The following INTS9 variants were observed in gnomAD, a reference collection of about 807,000 sequenced individuals.
INTS9 encodes integrator complex subunit 9.
INTS9 carries 55 observed loss-of-function variants against 79.7 expected under a neutral mutation model. That is an observed-to-expected ratio of 0.69 (90% CI 0.56 to 0.86). The LOEUF is 0.86. Among genes scored for constraint, INTS9 ranks in the 40% least tolerant of loss-of-function variants. INTS9 has a pLI of 0.00. For synonymous variants in INTS9, 319 were observed against 325.2 expected, an observed-to-expected ratio of 0.98 and a Z score of 0.20; for missense variants, 721 against 831.5, an observed-to-expected ratio of 0.87 and a Z score of 1.64.
chr8:28,773,450 C>T (rs533591324), intron 14 of INTS9, among the ~76,000 whole-genome samples: 13 of 106,326 alleles, frequency 1.2e-4, no homozygotes, highest in Admixed American at 7.7e-4. Context: ...GGTGACAGAG[C>T]GAGACTCCGT....
chr8:28,768,961 C>A (rs1173532938), intron 16 of INTS9, among the ~76,000 whole-genome samples: 1 of 152,146 alleles, frequency 6.6e-6, no homozygotes, highest in Non-Finnish European at 1.5e-5. Context: ...GGGTGGAACA[C>A]TGGGTCAGGA....
intron 1 of INTS9, among the ~76,000 whole-genome samples, chr8:28,880,384 G>C (rs868859953): frequency 1.1e-4 from 16 of 151,876 alleles, no homozygotes; most frequent in African/African-American, 2.9e-4. Context: ...TCAGCCTGCC[G>C]AGTGCCTGCG....
intron 3 of INTS9, among the ~76,000 whole-genome samples, chr8:28,849,722 T>C (rs1807722520): frequency 6.6e-6 from 1 of 152,156 alleles, no homozygotes; most frequent in Non-Finnish European, 1.5e-5. Context: ...TTCTGTAACC[T>C]TCTGTGGCCT....
At chr8:28,803,320 C>T (rs1804628021) in intron 8 of INTS9, among the ~76,000 whole-genome samples, 1 of 152,134 alleles carries the variant, frequency 6.6e-6, no homozygotes, top group African/African-American at 2.4e-5. Context: ...TATTCAAATA[C>T]AGGTTCGCAG....
At chr8:28,884,066 C>CG (rs1810039821) in intron 1 of INTS9, among the ~76,000 whole-genome samples, 1 of 147,950 alleles carries the variant, frequency 6.8e-6, no homozygotes, top group South Asian at 2.2e-4. Context: ...TGCTGTAATA[C>CG]TTCTATTAGT....
intron 6 of INTS9, among the ~76,000 whole-genome samples, chr8:28,821,140 C>A (rs1585413294): frequency 6.6e-6 from 1 of 152,204 alleles, no homozygotes; most frequent in East Asian, 1.9e-4. Context: ...AGGAAACAAT[C>A]AAAGACTATG....
intron 11 of INTS9, 46 bp from the exon 12 acceptor site, chr8:28,781,040 C>G (rs1332383789): frequency 6.5e-7 from 1 of 1,533,836 alleles, no homozygotes; most frequent in Non-Finnish European, 8.9e-7. Context: ...CCTGCCCAGG[C>G]TGAAGGGGGA....
intron 6 of INTS9, among the ~76,000 whole-genome samples, chr8:28,826,950 T>C (rs1806183106): frequency 6.6e-6 from 1 of 152,234 alleles, no homozygotes; most frequent in Non-Finnish European, 1.5e-5. Context: ...CATCCTCTTT[T>C]ATTCTTTCTA....
Position 28,850,347 on chromosome 8 carries a change from G to A in INTS9, c.138-74C>T. ...CTCAATGACTTCATGGTAACTTACT[G>A]TCTCCATAAAGTTAAGAACAGTTTA... On this transcript the variant is annotated intron_variant, in intron 2 of 16. Transcript: ENST00000521022. 3 of 1,210,832 alleles carry A rather than the reference G, an allele frequency of 2.5e-6. No individual in the cohort carries two copies. The South Asian group carries it at 3.8e-5, about 15-fold the overall frequency. 75.0% of individuals were successfully genotyped at this position (1,210,832 alleles called of 1,614,324 possible).
chr8:28,867,531 TAAAAAAA>T (rs766435433), intron 1 of INTS9, among the ~76,000 whole-genome samples: 1 of 117,454 alleles, frequency 8.5e-6, no homozygotes, highest in Non-Finnish European at 1.8e-5. Flanking sequence ...GAGCTGAGAT[TAAAAAAA>T]AAAAAAAAAA....
At position 28,793,790 on chromosome 8, in the gene INTS9, A is replaced by G; in HGVS notation, c.1037+17T>C. 6.5e-7 allele frequency: 1 copy of G among 1,529,556 alleles called. No individual in the cohort carries two copies. Among genetic ancestry groups the G allele is most frequent in the Non-Finnish European group, 8.8e-7 (1 of 1,137,546 alleles). 94.7% of individuals were successfully genotyped at this position (1,529,556 alleles called of 1,614,324 possible). ...TCAAATAAAATTCACAAAAAAAAAAAAAAACCACGGACATACCACTCAGCA... is the reference window on the plus strand; with the variant it reads ...TCAAATAAAATTCACAAAAAAAAAAGAAAACCACGGACATACCACTCAGCA... On this transcript the variant is annotated intron_variant, in intron 10 of 16. Transcript: ENST00000521022.
At chr8:28,846,995 G>C (rs896813794) in intron 3 of INTS9, among the ~76,000 whole-genome samples, 186 bp from the exon 4 acceptor site, 2 of 152,088 alleles carry the variant, frequency 1.3e-5, no homozygotes, top group Non-Finnish European at 2.9e-5. Flanking sequence ...TCTTATTAAG[G>C]GTAAAATGCT....
chr8:28,864,219 C>G (rs1808610063), intron 1 of INTS9, among the ~76,000 whole-genome samples: 1 of 152,152 alleles, frequency 6.6e-6, no homozygotes, highest in African/African-American at 2.4e-5. Flanking sequence ...TGGCACACAA[C>G]AGATGCCAGA....
chr8:28,793,792 A>AC lies in INTS9; in HGVS notation c.1037+14_1037+15insG. The AC allele has an allele frequency of 6.5e-7, 1 of 1,541,888 alleles. No individual in the cohort carries two copies. Among genetic ancestry groups the AC allele is most frequent in the Non-Finnish European group, 8.7e-7 (1 of 1,145,206 alleles). ...AAATAAAATTCACAAAAAAAAAAAA[A>AC]AACCACGGACATACCACTCAGCAAA... is the stretch of plus-strand genomic sequence containing the variant. On this transcript the variant is annotated intron_variant, in intron 10 of 16. Coordinates refer to ENST00000521022, the MANE Select transcript of INTS9 (RefSeq NM_018250.4).
intron 14 of INTS9, among the ~76,000 whole-genome samples, chr8:28,771,810 C>T (rs920270244): frequency 2.0e-5 from 3 of 152,280 alleles, no homozygotes; most frequent in East Asian, 1.9e-4. Context: ...TTGGGGATGG[C>T]GTTCTGCGCT....
intron 15 of INTS9, 65 bp from the exon 16 acceptor site, chr8:28,770,091 AC>A: frequency 1.3e-6 from 2 of 1,573,252 alleles, no homozygotes; most frequent in Non-Finnish European, 1.7e-6. Flanking sequence ...ACCGCAGGCC[AC>A]ACTGAGAGCC....
chr8:28,871,620 G>T (rs1809099747), intron 1 of INTS9, among the ~76,000 whole-genome samples: 1 of 152,114 alleles, frequency 6.6e-6, no homozygotes, highest in East Asian at 1.9e-4. Context: ...TGCCCAGGCT[G>T]GTCCTGAACT....
intron 11 of INTS9, chr8:28,783,682 T>G (rs1300867164): frequency 1.3e-5 from 2 of 152,206 alleles, no homozygotes; most frequent in African/African-American, 4.8e-5. Context: ...CCTGGAGATC[T>G]TCATCAGCTG....
intron 1 of INTS9, among the ~76,000 whole-genome samples, chr8:28,867,838 C>T (rs770054498): frequency 1.8e-4 from 28 of 151,552 alleles, no homozygotes; most frequent in Non-Finnish European, 1.9e-4. Context: ...TATTAGGTAT[C>T]GGGTACTCTG....
Sources: allele counts gnomAD v4.1 joint callset (sites outside exome capture counted in the v4.1 genomes callset), GRCh38; gene constraint gnomAD v4.1.1; transcripts MANE v1.5; gene names NCBI Gene and HGNC (gene_info 2026-07-23, HGNC 2026-07-21).